NCBP1: variants seen among roughly 807,000 people sequenced by gnomAD.
The protein encoded by NCBP1 is nuclear cap binding protein subunit 1, also known as nuclear cap-binding protein subunit 1.
A neutral mutation model predicts 111.7 loss-of-function variants in NCBP1; 16 were observed. The observed-to-expected ratio is 0.14, with a 90% confidence interval of 0.10 to 0.22. The LOEUF is 0.22. Ranked by LOEUF, NCBP1 falls within the 10% of genes least tolerant of loss-of-function variation. The pLI, the probability that NCBP1 is intolerant of heterozygous loss-of-function variation, is 1.00. For missense variants in NCBP1, 607 were observed against 957.5 expected, an observed-to-expected ratio of 0.63 and a Z score of 4.83; for synonymous variants, 304 against 314.3, an observed-to-expected ratio of 0.97 and a Z score of 0.35.
intron 15 of NCBP1, among the ~76,000 whole-genome samples, chr9:97,660,417 C>G (rs1182542168): frequency 6.6e-6 from 1 of 152,162 alleles, no homozygotes; most frequent in African/African-American, 2.4e-5. Flanking sequence ...GAGCATCTGA[C>G]TTACGTAGAT....
At chr9:97,654,051 C>T (rs766571497) in intron 11 of NCBP1, 143 bp downstream of exon 11, 2 of 615,030 alleles carry the variant, frequency 3.3e-6, no homozygotes, top group Non-Finnish European at 5.6e-6. Context: ...CATGTATGTA[C>T]TTGTATGTCT....
chr9:97,638,380 A>T (rs967089462), intron 1 of NCBP1, among the ~76,000 whole-genome samples: 2 of 152,180 alleles, frequency 1.3e-5, no homozygotes, highest in African/African-American at 4.8e-5. Context: ...CAGAAATCAT[A>T]CCTTCTCTTC....
intron 19 of NCBP1, among the ~76,000 whole-genome samples, chr9:97,665,942 G>A (rs1827990913): frequency 6.6e-6 from 1 of 152,188 alleles, no homozygotes; most frequent in Non-Finnish European, 1.5e-5. Flanking sequence ...CATGAAGTGA[G>A]AGTGGATCAT....
intron 1 of NCBP1, among the ~76,000 whole-genome samples, chr9:97,637,330 C>T (rs983220662): frequency 2.0e-5 from 3 of 152,170 alleles, no homozygotes; most frequent in South Asian, 2.1e-4. Flanking sequence ...CTTAGACTTG[C>T]TTTAAAAATG....
rs1828230626 is a variant in NCBP1 at position 97,672,767 on chromosome 9, T to G, written c.*1568T>G. On this transcript the variant is annotated 3_prime_UTR_variant, in exon 23 of 23. Coordinates refer to ENST00000375147, the MANE Select transcript of NCBP1 (RefSeq NM_002486.5). ...ATGAAGACCTTTATGATGATCCACT[T>G]CTACTTATTAAATAGTAAATATATT... 5.9e-6 allele frequency: 1 copy of G among 170,530 alleles called. No homozygotes were observed. The highest frequency in any genetic ancestry group is 1.2e-5 in the Non-Finnish European group (1 of 81,722). The allele number at this position is 170,530 out of a possible 1,614,324, so 10.6% of individuals were successfully genotyped here. A position where few individuals can be genotyped will look rare whatever the true frequency, so the allele number is the denominator to read the frequency against.
intron 21 of NCBP1, 51 bp downstream of exon 21, chr9:97,669,025 A>G: frequency 6.6e-7 from 1 of 1,504,936 alleles, no homozygotes; most frequent in Non-Finnish European, 9.0e-7. Flanking sequence ...ACATTTCTTT[A>G]GTTTTAGTTT....
chr9:97,652,238 G>A (rs530008480), intron 10 of NCBP1, among the ~76,000 whole-genome samples: 31 of 152,244 alleles, frequency 2.0e-4, no homozygotes, highest in African/African-American at 2.2e-4. Flanking sequence ...TCCTGACCTC[G>A]TGATCTGCCT....
chr9:97,653,649 G>T, intron 10 of NCBP1, 149 bp from the exon 11 acceptor site: 41 of 550,168 alleles, frequency 7.5e-5, no homozygotes, highest in East Asian at 1.3e-4. Flanking sequence ...TTTTGTGTTT[G>T]AAAGAGCATA....
chr9:97,634,208 A>T (rs1190789776), intron 1 of NCBP1, among the ~76,000 whole-genome samples: 1 of 152,178 alleles, frequency 6.6e-6, no homozygotes, highest in Non-Finnish European at 1.5e-5. Context: ...CCGTAAAACC[A>T]CGGAGCAGGG....
intron 19 of NCBP1, among the ~76,000 whole-genome samples, chr9:97,665,968 C>T (rs937916195): frequency 2.0e-5 from 3 of 152,138 alleles, no homozygotes; most frequent in Admixed American, 6.5e-5. Context: ...AGGTCATCTT[C>T]ATTATCTTCA....
chr9:97,635,414 C>CTTTTTTTT lies in NCBP1; in HGVS notation c.34+1506_34+1513dup, dbSNP rs5899316. On this transcript the variant is annotated intron_variant, in intron 1 of 22. Coordinates refer to ENST00000375147, the MANE Select transcript of NCBP1 (RefSeq NM_002486.5). ...AGGCACAGAAAATACAATTCCCTCC[C>CTTTTTTTT]TTTTTTTTTTTTTTCTGAGACGGAG... 3.0e-4 allele frequency among the ~76,000 whole-genome samples: 42 copies of CTTTTTTTT among 141,960 alleles called. 1 individual carries two copies. Among genetic ancestry groups the CTTTTTTTT allele is most frequent in the African/African-American group, 1.1e-3 (40 of 36,572 alleles). The allele number at this position is 141,960 out of a possible 152,430, so 93.1% of individuals were successfully genotyped here.
chr9:97,641,648 G>T lies in NCBP1; in HGVS notation c.210G>T (p.Arg70Ser), dbSNP rs749990957. 7.0e-5 allele frequency: 112 copies of T among 1,606,576 alleles called. No homozygotes were observed. Among genetic ancestry groups the T allele is most frequent in the Non-Finnish European group, 8.9e-5 (105 of 1,174,248 alleles). Residue 70 changes from arginine to serine, a missense_variant, in exon 3 of 23, where the codon AGG (arginine) becomes AGT (serine). By Grantham distance (110) the Arg-to-Ser change is moderately radical (BLOSUM62 -1). Around this residue, in one of 9 missense-constraint regions of NCBP1, gnomAD observed 185 missense variants for 272.0 expected, o/e 0.68. Transcript: ENST00000375147. ...CTAACTACAAGAGCAAGATCTTAAG[G>T]CTTCTTTGTACAGTGTATGTATGCA... ...DLPNYKSKIL[R>S]LLCTVARLLP...
chr9:97,669,839 T>C, intron 22 of NCBP1, 133 bp downstream of exon 22: 1 of 719,698 alleles, frequency 1.4e-6, no homozygotes, highest in Non-Finnish European at 2.5e-6. Flanking sequence ...GTCCATTTGC[T>C]GCTACCATTG....
At chr9:97,653,532 ATAGTT>A (rs1215718322) in intron 10 of NCBP1, among the ~76,000 whole-genome samples, 2 of 152,208 alleles carry the variant, frequency 1.3e-5, no homozygotes, top group Non-Finnish European at 2.9e-5. Context: ...ATTTAATTGC[ATAGTT>A]CTCTGGGAGG....
At chr9:97,667,598 ATAGC>A (rs770131877) in intron 20 of NCBP1, among the ~76,000 whole-genome samples, 5 of 152,208 alleles carry the variant, frequency 3.3e-5, no homozygotes, top group Non-Finnish European at 4.4e-5. Flanking sequence ...GTTAAGTAAC[ATAGC>A]TAGTAGGTTG....
In NCBP1 at chr9:97,661,028, T is replaced by G. The variant is rs1254673124; in HGVS notation, c.1560T>G (p.Ile520Met). 1 of 1,612,886 alleles carries G rather than the reference T, an allele frequency of 6.2e-7. No homozygotes were observed. Among genetic ancestry groups the G allele is most frequent in the African/African-American group, 1.3e-5 (1 of 75,028 alleles). ...CAACCAATGATGAAATCTTCAGCAT[T>G]CTGAAAGATGTACCAAATCCTAACC... is the stretch of plus-strand genomic sequence containing the variant. ...SKATNDEIFS[I>M]LKDVPNPNQD... The change falls in exon 16 of 23, where the codon ATT (isoleucine) becomes ATG (methionine). Residue 520 changes from isoleucine to methionine, a missense_variant. Physicochemically the swap from Ile to Met is conservative, Grantham distance 10 (BLOSUM62 1). Transcript: ENST00000375147.
chr9:97,645,271 A>C (rs560665412), intron 5 of NCBP1, 47 bp downstream of exon 5: 1 of 1,414,782 alleles, frequency 7.1e-7, no homozygotes, highest in Admixed American at 1.7e-5. Flanking sequence ...TTGAGGGGTT[A>C]CTGAATCCTG....
rs1437260580 is a variant in NCBP1, at chr9:97,661,166, C to A, written c.1600+98C>A. ...ACATGATGCTCTTAAAGCAATATAT[C>A]TATATCTGTTTGACCTGTTCAGACT... is the stretch of plus-strand genomic sequence containing the variant. On this transcript the variant is annotated intron_variant, in intron 16 of 22. Coordinates refer to ENST00000375147, the MANE Select transcript of NCBP1 (RefSeq NM_002486.5). 2.4e-5 allele frequency: 36 copies of A among 1,477,238 alleles called. No individual in the cohort carries two copies. In the Middle Eastern group the frequency reaches 7.9e-4, roughly 32 times the overall value. The allele number at this position is 1,477,238 out of a possible 1,614,324, so 91.5% of individuals were successfully genotyped here.
At chr9:97,662,399 G>A (rs73498381) in intron 17 of NCBP1, among the ~76,000 whole-genome samples, 17,981 of 152,110 alleles carry the variant, frequency 0.12, 3,017 homozygotes, top group African/African-American at 0.37. Flanking sequence ...AAAAACCTAG[G>A]TTTTTGGGAC....
Sources: gnomAD v4.1 joint callset for allele counts (sites outside exome capture counted in the v4.1 genomes callset) on GRCh38, gnomAD v4.1.1 for gene constraint, gnomAD v4.1.1 regional missense constraint, MANE v1.5 for transcripts, NCBI Gene and HGNC (gene_info 2026-07-23, HGNC 2026-07-21) for gene names.